The following SLIT3 variants were observed in gnomAD, a reference collection of about 807,000 sequenced individuals.
SLIT3 encodes the protein slit homolog 3 protein.
Under a neutral mutation model 184.0 loss-of-function variants are expected in SLIT3, and 68 were observed. That is an observed-to-expected ratio of 0.37 (90% confidence interval 0.30 to 0.45). The LOEUF (loss-of-function observed/expected upper bound fraction) is 0.45. SLIT3 is among the 20% of genes least tolerant of loss of function. The probability of loss-of-function intolerance (pLI) is 1.00; values close to 1 mark genes in which losing one functional copy is unlikely to be tolerated. For synonymous variants in SLIT3, 831 were observed against 828.6 expected, an observed-to-expected ratio of 1.00 and a Z score of -0.05; for missense variants, 1,707 against 2,026.0, an observed-to-expected ratio of 0.84 and a Z score of 3.02.
Position 169,193,527 on chromosome 5 carries a change from T to G in SLIT3, c.365A>C (p.Gln122Pro). The G allele has an allele frequency of 1.2e-6, 2 of 1,614,098 alleles. No individual in the cohort carries two copies. The highest frequency in any genetic ancestry group is 1.7e-6 in the Non-Finnish European group (2 of 1,179,978). The change falls in exon 4 of 36, where the codon CAA becomes CCA. Residue 122 changes from glutamine to proline, a missense_variant. By Grantham distance (76) the Gln-to-Pro change is moderately conservative. This residue lies in a region of SLIT3 where 1,307 missense variants were observed against 1,511.6 expected (regional missense o/e 0.86). Coordinates refer to ENST00000519560, the MANE Select transcript of SLIT3 (RefSeq NM_003062.4). ...ERLRLNKNKLQVLPELLFQST... is the reference protein window; with the variant it reads ...ERLRLNKNKLPVLPELLFQST... ...CTGGAAAAGCAATTCTGGAAGGACTTGCAGCTTATTCTTGTTCAGGCGCCT... is the reference window on the plus strand; with the variant it reads ...CTGGAAAAGCAATTCTGGAAGGACTGGCAGCTTATTCTTGTTCAGGCGCCT...
chr5:169,049,718 T>A (rs1035132876), intron 4 of SLIT3, among the ~76,000 whole-genome samples: 15 of 152,196 alleles, frequency 9.9e-5, no homozygotes, highest in Admixed American at 7.2e-4. Flanking sequence ...GACATTAAGA[T>A]ACATAAACTG....
At chr5:168,861,206 A>G (rs1017820911) in intron 5 of SLIT3, among the ~76,000 whole-genome samples, 25 of 152,256 alleles carry the variant, frequency 1.6e-4, no homozygotes, top group African/African-American at 5.1e-4. Context: ...TGCTGCACCC[A>G]TTAACTCGTC....
In SLIT3 at chr5:169,090,703, C is replaced by T. The variant is rs1293334210; in HGVS notation, c.413+102776G>A. 2.0e-5 allele frequency among the ~76,000 whole-genome samples: 3 copies of T among 152,152 alleles called. 1 individual carries two copies. The highest frequency in any genetic ancestry group is 2.0e-4 in the Admixed American group (3 of 15,276). On this transcript the variant is annotated intron_variant, in intron 4 of 35. Transcript: ENST00000519560. Reference sequence around the variant, plus strand: ...TCTGGATGGGCTTCATAGACAGACACACAGAAGAAAAGGCAATGTGAAGAC... The same window carrying T: ...TCTGGATGGGCTTCATAGACAGACATACAGAAGAAAAGGCAATGTGAAGAC...
At chr5:169,205,038 G>T (rs1181795960) in intron 3 of SLIT3, among the ~76,000 whole-genome samples, 2 of 152,158 alleles carry the variant, frequency 1.3e-5, no homozygotes, top group Admixed American at 6.5e-5. Context: ...GAAGAGAGGG[G>T]CCCAGGAATT....
At chr5:169,109,745 C>T (rs1760345759) in intron 4 of SLIT3, among the ~76,000 whole-genome samples, 1 of 152,128 alleles carries the variant, frequency 6.6e-6, no homozygotes, top group Admixed American at 6.5e-5. Flanking sequence ...GCAAAGCTCC[C>T]TATGTTTTCT....
chr5:169,194,861 C>T (rs1763689093), intron 3 of SLIT3, among the ~76,000 whole-genome samples: 1 of 152,194 alleles, frequency 6.6e-6, no homozygotes, highest in Admixed American at 6.5e-5. Context: ...TTATGATCTC[C>T]ATGAAGGCTG....
intron 7 of SLIT3, among the ~76,000 whole-genome samples, chr5:168,817,687 T>C (rs910348758): frequency 7.2e-5 from 11 of 152,186 alleles, no homozygotes; most frequent in African/African-American, 2.4e-4. Context: ...TGAGCAAAGC[T>C]CATTTTTTAA....
chr5:168,778,496 G>A (rs1755842037), intron 12 of SLIT3, among the ~76,000 whole-genome samples: 1 of 152,294 alleles, frequency 6.6e-6, no homozygotes, highest in Non-Finnish European at 1.5e-5. Flanking sequence ...TTGCCTCCTG[G>A]GAGTGCAGAG....
chr5:168,916,797 A>T (rs1761449936), intron 4 of SLIT3, among the ~76,000 whole-genome samples: 1 of 152,048 alleles, frequency 6.6e-6, no homozygotes, highest in Admixed American at 6.6e-5. Flanking sequence ...TCTTAAGGAG[A>T]TTCTTCTTCT....
chr5:168,926,852 T>C (rs1389222474), intron 4 of SLIT3, among the ~76,000 whole-genome samples: 1 of 151,822 alleles, frequency 6.6e-6, no homozygotes, highest in Non-Finnish European at 1.5e-5. Flanking sequence ...CCTATTAAGA[T>C]GGCTACTATC....
intron 4 of SLIT3, among the ~76,000 whole-genome samples, chr5:168,886,020 C>T (rs1760192161): frequency 6.6e-6 from 1 of 152,194 alleles, no homozygotes; most frequent in Non-Finnish European, 1.5e-5. Flanking sequence ...TATAACCAGC[C>T]TTGCTCCTAC....
At chr5:169,070,797 C>CAAAAAAAAAAAAA (rs34764320) in intron 4 of SLIT3, among the ~76,000 whole-genome samples, 2 of 116,068 alleles carry the variant, frequency 1.7e-5, no homozygotes, top group Non-Finnish European at 1.8e-5. Flanking sequence ...ACATTTTCCT[C>CAAAAAAAAAAAAA]AAAAAAAAAA....
intron 23 of SLIT3, 160 bp from the exon 24 acceptor site, chr5:168,712,514 G>A (rs1169766963): frequency 1.5e-6 from 1 of 648,890 alleles, no homozygotes; most frequent in East Asian, 2.7e-5. Context: ...GTGCATGAAT[G>A]TTCTATGCCC....
intron 4 of SLIT3, chr5:169,037,886 C>T (rs781048332): frequency 6.6e-6 from 1 of 152,222 alleles, no homozygotes; most frequent in Non-Finnish European, 1.5e-5. Context: ...TTACAGCTGC[C>T]TCATGATATT....
intron 4 of SLIT3, among the ~76,000 whole-genome samples, chr5:169,071,930 A>G (rs1758561625): frequency 6.6e-6 from 1 of 152,182 alleles, no homozygotes; most frequent in South Asian, 2.1e-4. Flanking sequence ...GGAACGTCAC[A>G]GAGAGACAGT....
intron 23 of SLIT3, among the ~76,000 whole-genome samples, chr5:168,718,404 C>T (rs1366414307): frequency 1.3e-5 from 2 of 152,002 alleles, no homozygotes; most frequent in Non-Finnish European, 2.9e-5. Flanking sequence ...AAATTGCCTG[C>T]CCAGAGCTAA....
intron 4 of SLIT3, among the ~76,000 whole-genome samples, chr5:169,086,442 T>C (rs1759300027): frequency 6.6e-6 from 1 of 152,246 alleles, no homozygotes; most frequent in Non-Finnish European, 1.5e-5. Flanking sequence ...GATTCCTTTA[T>C]CTGTTTCTAA....
chr5:168,682,339 C>G (rs751065889), intron 32 of SLIT3, among the ~76,000 whole-genome samples: 1 of 152,236 alleles, frequency 6.6e-6, no homozygotes, highest in Non-Finnish European at 1.5e-5. Context: ...AGGCCCAACT[C>G]AGACTGCTCT....
chr5:168,701,623 C>T (rs745378140), intron 26 of SLIT3, among the ~76,000 whole-genome samples: 8 of 152,288 alleles, frequency 5.3e-5, no homozygotes, highest in East Asian at 3.9e-4. Flanking sequence ...GGGAACAGCC[C>T]GACTCTTCTT....
Sources: gnomAD v4.1 joint callset for allele counts (sites outside exome capture counted in the v4.1 genomes callset) on GRCh38, gnomAD v4.1.1 for gene constraint, gnomAD v4.1.1 regional missense constraint, MANE v1.5 for transcripts, NCBI Gene and HGNC (gene_info 2026-07-23, HGNC 2026-07-21) for gene names.